TLCD3B: variants seen among roughly 807,000 people sequenced by gnomAD.
TLCD3B encodes the protein TLC domain containing 3B.
Under a neutral mutation model 23.0 loss-of-function variants are expected in TLCD3B, and 9 were observed. The observed-to-expected ratio is 0.39, with a 90% CI of 0.24 to 0.68. The LOEUF is 0.68. Ranked by LOEUF, TLCD3B falls within the 30% of genes least tolerant of loss-of-function variation. TLCD3B has a pLI of 0.44. For synonymous variants in TLCD3B, 161 were observed against 161.0 expected (o/e 1.00, Z 0.00); for missense variants, 307 against 371.8 (o/e 0.83, Z 1.43).
At chr16:30,035,341 GT>G (rs1220573865), upstream of TLCD3B, 1 of 1,289,478 alleles carries the variant, frequency 7.8e-7, no homozygotes, top group Non-Finnish European at 1.0e-6. Context: ...CCTCACCCTG[GT>G]CCTCTTACTT....
chr16:30,049,751 C>A (rs184768500), intron 1 of TLCD3B, among the ~76,000 whole-genome samples: 1 of 151,982 alleles, frequency 6.6e-6, no homozygotes, highest in Non-Finnish European at 1.5e-5. Flanking sequence ...ATGGTGAAAC[C>A]CTGTCTCTAC....
At chr16:30,043,613 GGCACAA>G (rs140308478) in intron 2 of TLCD3B, among the ~76,000 whole-genome samples, 14,755 of 152,108 alleles carry the variant, frequency 0.097, 1,000 homozygotes, top group African/African-American at 0.19. Context: ...GGTAGAAAGT[GGCACAA>G]GCGGGGATTT....
rs952693028 is a variant in TLCD3B, at chr16:30,029,622, T to C, written c.126-107A>G. ...ACTGCGCTTTGCGTTCAGCCACTTC[T>C]CGGGCCAGTCCTTGCCTGCCTTCGC... On this transcript the variant is annotated intron_variant, in intron 1 of 4. Transcript: ENST00000380495. The surrounding 1 kb of genome is among the most constrained non-coding windows in gnomAD (Gnocchi z 4.6). 2.1e-6 allele frequency: 2 copies of C among 972,256 alleles called. No individual in the cohort carries two copies. The highest frequency in any genetic ancestry group is 3.2e-5 in the African/African-American group (2 of 61,982). The allele number at this position is 972,256 out of a possible 1,614,324, so 60.2% of individuals were successfully genotyped here. A position where few individuals can be genotyped will look rare whatever the true frequency, so the allele number is the denominator to read the frequency against.
chr16:30,040,141 A>AT (rs1322383138), intron 3 of TLCD3B, among the ~76,000 whole-genome samples: 1 of 102,388 alleles, frequency 9.8e-6, no homozygotes, highest in African/African-American at 3.9e-5. Context: ...CTCAAAAAAA[A>AT]AAAAAAATAT....
At chr16:30,028,798 GT>G (rs2071257393) in intron 2 of TLCD3B, among the ~76,000 whole-genome samples, 1 of 152,164 alleles carries the variant, frequency 6.6e-6, no homozygotes, top group Non-Finnish European at 1.5e-5. Flanking sequence ...CGGGCCACCC[GT>G]GGGTCACCTA....
At chr16:30,052,861 G>A (rs1489568273) in exon 1 of TLCD3B, 1 of 152,166 alleles carries the variant, frequency 6.6e-6, no homozygotes, top group East Asian at 1.9e-4. Context: ...TGTAGCCTGG[G>A]GGTTCAATCC....
At chr16:30,037,708 T>A (rs1337983880) in intron 3 of TLCD3B, among the ~76,000 whole-genome samples, 2 of 149,042 alleles carry the variant, frequency 1.3e-5, no homozygotes, top group Non-Finnish European at 1.5e-5. Flanking sequence ...CTGCACTCCA[T>A]CCTGGGCAAC....
At chr16:30,045,469 TGTGTGTGTGGTATGTGTGTTTGTGTG>T (rs1286609137) in intron 2 of TLCD3B, among the ~76,000 whole-genome samples, 6 of 125,012 alleles carry the variant, frequency 4.8e-5, no homozygotes, top group African/African-American at 1.6e-4. Context: ...TGTGTGTATT[TGTGTGTGTGGTATGTGTGTTTGTGTG>T]GTGTGTATGG....
Position 30,029,520 on chromosome 16 carries a change from G to C in TLCD3B, c.126-5C>G. On this transcript the variant is annotated splice_region_variant and splice_polypyrimidine_tract_variant and intron_variant, in intron 1 of 4. Coordinates refer to ENST00000380495, the MANE Select transcript of TLCD3B (RefSeq NM_031478.6). This position sits in a 1 kb window ranked among gnomAD's most constrained non-coding sequence, Gnocchi z 4.6. ...GCCTGGACAGAGGACACCAGCCTGG[G>C]GGAGAGAGGGAGGCGTGCTAGAAAG... 1 of 1,612,526 alleles carries C rather than the reference G, an allele frequency of 6.2e-7. No homozygotes were observed. Among genetic ancestry groups the C allele is most frequent in the Non-Finnish European group, 8.5e-7 (1 of 1,178,880 alleles).
chr16:30,030,161 A>C, intron 1 of TLCD3B: 4 of 1,468,148 alleles, frequency 2.7e-6, no homozygotes, highest in South Asian at 1.2e-5. Context: ...GGGAGGGTGT[A>C]CGGGGAAGAA....
At chr16:30,038,957 A>C (rs1406266605) in intron 3 of TLCD3B, among the ~76,000 whole-genome samples, 1 of 151,984 alleles carries the variant, frequency 6.6e-6, no homozygotes, top group Non-Finnish European at 1.5e-5. Context: ...TGTCCCTATA[A>C]TGTTAGGCAG....
intron 1 of TLCD3B, 117 bp downstream of exon 1, chr16:30,030,286 C>T: frequency 8.3e-7 from 1 of 1,201,362 alleles, no homozygotes; most frequent in Non-Finnish European, 1.2e-6. Flanking sequence ...AAGCCCCGGA[C>T]CCCCACAGGA....
chr16:30,026,339 G>C (rs1007784235), intron 3 of TLCD3B, among the ~76,000 whole-genome samples: 1 of 152,156 alleles, frequency 6.6e-6, no homozygotes, highest in Non-Finnish European at 1.5e-5. Context: ...TTATGTAACA[G>C]GTGAGGAAAC....
rs1024684095 is a variant in TLCD3B at position 30,029,795 on chromosome 16, G to T, written c.126-280C>A. ...ACTGAGTCTCCCTCTTCTCAAGCCC[G>T]CAGGGTGTCTGTCCTGAGGTGAGAC... On this transcript the variant is annotated intron_variant, in intron 1 of 4. Coordinates refer to ENST00000380495, the MANE Select transcript of TLCD3B (RefSeq NM_031478.6). This position sits in a 1 kb window ranked among gnomAD's most constrained non-coding sequence, Gnocchi z 4.6. 1.4e-4 allele frequency among the ~76,000 whole-genome samples: 21 copies of T among 152,148 alleles called. No homozygotes were observed. The highest frequency in any genetic ancestry group is 4.1e-4 in the African/African-American group (17 of 41,420).
Position 30,026,641 on chromosome 16 carries a change from C to A in TLCD3B, c.412G>T (p.Ala138Ser), listed in dbSNP as rs754599938. ...AGTGGGAAGCACACCAGCACCATGGCGGCATGGTGGAGCACCATGAGGAAC... is the reference window on the plus strand; with the variant it reads ...AGTGGGAAGCACACCAGCACCATGGAGGCATGGTGGAGCACCATGAGGAAC... ...KEFLMVLHHA[A>S]MVLVCFPLSV... is the part of the protein sequence containing the mutation. The change falls in exon 3 of 5, where the codon GCC becomes TCC. Residue 138 changes from alanine (A) to serine (S), a missense_variant. Ala to Ser is a moderately conservative substitution (Grantham distance 99). Coordinates refer to ENST00000380495, the MANE Select transcript of TLCD3B (RefSeq NM_031478.6). The A allele has an allele frequency of 1.2e-6, 2 of 1,613,744 alleles. No homozygotes were observed. The highest frequency in any genetic ancestry group is 1.7e-6 in the Non-Finnish European group (2 of 1,179,992).
At chr16:30,042,243 T>C (rs2071590043) in intron 2 of TLCD3B, among the ~76,000 whole-genome samples, 1 of 152,022 alleles carries the variant, frequency 6.6e-6, no homozygotes. Flanking sequence ...TATTTTATTT[T>C]ATTTTATTTT....
intron 3 of TLCD3B, among the ~76,000 whole-genome samples, chr16:30,037,342 A>G (rs1366337685): frequency 6.6e-6 from 1 of 151,774 alleles, no homozygotes; most frequent in Non-Finnish European, 1.5e-5. Context: ...GGAGATCGAG[A>G]CCATCCTGGC....
chr16:30,047,398 T>C (rs1185402584), intron 1 of TLCD3B, among the ~76,000 whole-genome samples: 1 of 152,188 alleles, frequency 6.6e-6, no homozygotes, highest in Non-Finnish European at 1.5e-5. Context: ...CTCAGCTCAC[T>C]GCAACCTCTG....
intron 2 of TLCD3B, among the ~76,000 whole-genome samples, chr16:30,043,536 C>G (rs912431216): frequency 2.0e-5 from 3 of 152,086 alleles, no homozygotes; most frequent in Admixed American, 2.0e-4. Flanking sequence ...GAGACATACT[C>G]TCAGTCACTG....
Sources: allele counts gnomAD v4.1 joint callset (sites outside exome capture counted in the v4.1 genomes callset), GRCh38; gene constraint gnomAD v4.1.1; non-coding constraint Gnocchi (gnomAD v3.1); transcripts MANE v1.5; gene names NCBI Gene and HGNC (gene_info 2026-07-23, HGNC 2026-07-21).